TRPS1: variants seen among roughly 807,000 people sequenced by gnomAD.
TRPS1 encodes transcriptional repressor GATA binding 1.
TRPS1 carries 6 observed loss-of-function variants against 101.2 expected under a neutral mutation model. The observed-to-expected ratio is 0.06, with a 90% CI of 0.03 to 0.12. TRPS1 has a LOEUF of 0.12. Among genes scored for constraint, TRPS1 ranks in the 10% least tolerant of loss-of-function variants. TRPS1 has a pLI of 1.00. For synonymous variants in TRPS1, 578 were observed against 589.8 expected, an observed-to-expected ratio of 0.98 and a Z score of 0.29; for missense variants, 1,363 against 1,567.0, an observed-to-expected ratio of 0.87 and a Z score of 2.20.
At chr8:115,439,973 T>A (rs925012185) in intron 5 of TRPS1, among the ~76,000 whole-genome samples, 2 of 152,248 alleles carry the variant, frequency 1.3e-5, no homozygotes, top group Non-Finnish European at 1.5e-5. Context: ...AAAAGAAACA[T>A]TGAGTTTTAT....
chr8:115,428,057 G>GA (rs1160497542), intron 5 of TRPS1, among the ~76,000 whole-genome samples: 1 of 152,128 alleles, frequency 6.6e-6, no homozygotes, highest in African/African-American at 2.4e-5. Flanking sequence ...GTTGGGGCAA[G>GA]AAAAATGGTG....
chr8:115,512,361 GCTTGGCCTTATTTCTT>G, intron 5 of TRPS1, among the ~76,000 whole-genome samples: 1 of 151,622 alleles, frequency 6.6e-6, no homozygotes, highest in Non-Finnish European at 1.5e-5. Context: ...TAAATTCAAA[GCTTGGCCTTATTTCTT>G]CAAGAATTGG....
At chr8:115,570,693 A>T (rs986175682) in intron 5 of TRPS1, among the ~76,000 whole-genome samples, 17 of 84,516 alleles carry the variant, frequency 2.0e-4, no homozygotes, top group South Asian at 4.3e-4. Flanking sequence ...ACACACTCAC[A>T]CACACACACA....
At chr8:115,614,912 A>G (rs1797121389) in intron 3 of TRPS1, among the ~76,000 whole-genome samples, 1 of 152,210 alleles carries the variant, frequency 6.6e-6, no homozygotes, top group South Asian at 2.1e-4. Context: ...GATTGTACTG[A>G]TACATGTTAA....
At chr8:115,504,862 T>C (rs531615637) in intron 5 of TRPS1, among the ~76,000 whole-genome samples, 1 of 152,272 alleles carries the variant, frequency 6.6e-6, no homozygotes, top group South Asian at 2.1e-4. Flanking sequence ...ATGAAAACTC[T>C]TGTTTAGGTG....
rs149019367 is a variant in TRPS1 at position 115,501,508 on chromosome 8, T to A, written c.2701-83056A>T. ...AACTCTCAATTTCCAAATTTTTATG[T>A]TCATACAAAAATATCTTCTACACCC... is the stretch of plus-strand genomic sequence containing the variant. On this transcript the variant is annotated intron_variant, in intron 5 of 6. Transcript: ENST00000395715. 9.2e-5 allele frequency among the ~76,000 whole-genome samples: 14 copies of A among 152,320 alleles called. No homozygotes were observed. In the East Asian group the frequency reaches 2.5e-3, roughly 27 times the overall value.
At chr8:115,546,638 C>G (rs58359352) in intron 5 of TRPS1, among the ~76,000 whole-genome samples, 1 of 150,578 alleles carries the variant, frequency 6.6e-6, no homozygotes, top group Non-Finnish European at 1.5e-5. Flanking sequence ...TAGTGTTTAA[C>G]TAATGTAACA....
At chr8:115,498,126 C>G (rs1206051727) in intron 5 of TRPS1, among the ~76,000 whole-genome samples, 1 of 151,958 alleles carries the variant, frequency 6.6e-6, no homozygotes, top group Non-Finnish European at 1.5e-5. Flanking sequence ...GCCTGTCATC[C>G]CAGCACTTTG....
chr8:115,419,869 C>G (rs147321656), intron 5 of TRPS1, among the ~76,000 whole-genome samples: 5 of 152,286 alleles, frequency 3.3e-5, no homozygotes, highest in South Asian at 2.1e-4. Context: ...ATTGCTGATG[C>G]CTGCTCACTC....
At chr8:115,573,855 T>C (rs1352250512) in intron 5 of TRPS1, among the ~76,000 whole-genome samples, 2 of 152,194 alleles carry the variant, frequency 1.3e-5, no homozygotes, top group African/African-American at 2.4e-5. Context: ...GTTTCTTCTA[T>C]ATTGGCTTAC....
intron 5 of TRPS1, among the ~76,000 whole-genome samples, chr8:115,569,617 TTCTC>T (rs957219893): frequency 6.6e-6 from 1 of 152,090 alleles, no homozygotes; most frequent in Non-Finnish European, 1.5e-5. Context: ...ACTAGTATCT[TTCTC>T]TTCTTCTTAT....
At chr8:115,504,452 A>AC (rs1441021380) in intron 5 of TRPS1, among the ~76,000 whole-genome samples, 2 of 152,136 alleles carry the variant, frequency 1.3e-5, no homozygotes, top group Non-Finnish European at 1.5e-5. Context: ...AGTATTCACA[A>AC]CTCCTCTGCA....
At chr8:115,626,263 T>C (rs62512213) in intron 1 of TRPS1, among the ~76,000 whole-genome samples, 1 of 151,138 alleles carries the variant, frequency 6.6e-6, no homozygotes, top group African/African-American at 2.4e-5. Context: ...TGAAAGAACA[T>C]ATGTGTTTGC....
intron 5 of TRPS1, among the ~76,000 whole-genome samples, chr8:115,455,970 G>C (rs895288643): frequency 6.6e-6 from 1 of 151,520 alleles, no homozygotes; most frequent in African/African-American, 2.4e-5. Context: ...ATTTTTAGTA[G>C]AGACAGGGTT....
chr8:115,505,512 T>C (rs1005588460), intron 5 of TRPS1, among the ~76,000 whole-genome samples: 1 of 152,156 alleles, frequency 6.6e-6, no homozygotes, highest in Non-Finnish European at 1.5e-5. Flanking sequence ...ATAGTGTATC[T>C]TCTGTAACAG....
intron 3 of TRPS1, among the ~76,000 whole-genome samples, chr8:115,607,930 C>G (rs1405189549): frequency 6.6e-6 from 1 of 152,080 alleles, no homozygotes; most frequent in African/African-American, 2.4e-5. Flanking sequence ...ATTGACCATA[C>G]TCATTTTATT....
chr8:115,440,249 C>A (rs1813557990), intron 5 of TRPS1, among the ~76,000 whole-genome samples: 2 of 152,222 alleles, frequency 1.3e-5, no homozygotes, highest in Admixed American at 1.3e-4. Flanking sequence ...CAAGGTATTG[C>A]CACATCATTC....
At chr8:115,542,263 A>G (rs755200127) in intron 5 of TRPS1, among the ~76,000 whole-genome samples, 1 of 152,150 alleles carries the variant, frequency 6.6e-6, no homozygotes, top group African/African-American at 2.4e-5. Context: ...TGCACGTTTT[A>G]TTTGGTACTG....
At chr8:115,489,785 C>G (rs565218296) in intron 5 of TRPS1, among the ~76,000 whole-genome samples, 9 of 152,090 alleles carry the variant, frequency 5.9e-5, no homozygotes, top group African/African-American at 1.9e-4. Context: ...GAAAGACATT[C>G]AAATCATTTT....
Sources: gnomAD v4.1 joint callset for allele counts (sites outside exome capture counted in the v4.1 genomes callset) on GRCh38, gnomAD v4.1.1 for gene constraint, MANE v1.5 for transcripts, NCBI Gene and HGNC (gene_info 2026-07-23, HGNC 2026-07-21) for gene names.